The following ZNF514 variants were observed in gnomAD, a reference collection of about 807,000 sequenced individuals.
The protein encoded by ZNF514 is zinc finger protein 514.
In ZNF514, 12 loss-of-function variants were observed where a neutral mutation model predicts 9.7. That is an observed-to-expected ratio of 1.24 (90% confidence interval 0.79 to 2.01). The LOEUF (loss-of-function observed/expected upper bound fraction) is 2.01, where lower values mean the gene tolerates loss of function less well. Among genes scored for constraint, ZNF514 ranks in the 30% most tolerant of loss-of-function variants. The probability of loss-of-function intolerance (pLI) is 0.00; values close to 1 mark genes in which losing one functional copy is unlikely to be tolerated. For missense variants in ZNF514, 467 were observed against 465.5 expected (o/e 1.00, Z -0.03); for synonymous variants, 158 against 163.7 (o/e 0.97, Z 0.27).
At chr2:95,152,890 G>T in intron 3 of ZNF514, 121 bp from the exon 4 acceptor site, 1 of 1,018,636 alleles carries the variant, frequency 9.8e-7, no homozygotes, top group Non-Finnish European at 1.5e-6. Flanking sequence ...CAGGCATTGT[G>T]AAAAGTTAGG....
chr2:95,128,702 G>A, the ZNF514 span, among the ~76,000 whole-genome samples: 1 of 151,092 alleles, frequency 6.6e-6, no homozygotes. Flanking sequence ...GGAGGAGGAG[G>A]AAGAAGGAGA....
intron 1 of ZNF514, chr2:95,158,821 G>C (rs1406713368): frequency 7.8e-7 from 1 of 1,279,288 alleles, no homozygotes; most frequent in Non-Finnish European, 1.0e-6. Flanking sequence ...TGGAAGGTTA[G>C]ATGTCGCCAC....
Position 95,145,782 on chromosome 2 carries a change from GTC to G in ZNF514, c.*3498_*3499del, listed in dbSNP as rs1369870618. On this transcript the variant is annotated 3_prime_UTR_variant, in exon 5 of 5. Coordinates refer to ENST00000295208, the MANE Select transcript of ZNF514 (RefSeq NM_032788.3). ...CAAGCTGTAGCCTGACAGCACAATT[GTC>G]TCTTCCTCTCACGTACCTTTGCCAT... Among the ~76,000 whole-genome samples, 3 of 152,310 alleles carry G rather than the reference GTC, an allele frequency of 2.0e-5. No homozygotes were observed. Among genetic ancestry groups the G allele is most frequent in the African/African-American group, 7.2e-5 (3 of 41,582 alleles).
At chr2:95,139,877 G>T in the ZNF514 span, among the ~76,000 whole-genome samples, 2 of 152,132 alleles carry the variant, frequency 1.3e-5, no homozygotes, top group Non-Finnish European at 2.9e-5. Context: ...ATTTGTTCAT[G>T]GTGGTGGAGT....
chr2:95,156,860 T>C (rs1673700486), intron 2 of ZNF514, among the ~76,000 whole-genome samples: 1 of 152,152 alleles, frequency 6.6e-6, no homozygotes, highest in African/African-American at 2.4e-5. Flanking sequence ...CAGCTTCAAA[T>C]AGCCTGCCCA....
At chr2:95,125,168 T>C in the ZNF514 span, among the ~76,000 whole-genome samples, 3 of 150,324 alleles carry the variant, frequency 2.0e-5, no homozygotes, top group African/African-American at 7.3e-5. Flanking sequence ...CATGAGCCAC[T>C]GTGCCCAGCC....
At chr2:95,123,338 TACTG>T in the ZNF514 span, among the ~76,000 whole-genome samples, 11 of 152,240 alleles carry the variant, frequency 7.2e-5, no homozygotes, top group Non-Finnish European at 1.3e-4. Flanking sequence ...TCCTCTCAAG[TACTG>T]ACCATCCAGC....
intron 2 of ZNF514, 48 bp downstream of exon 2, chr2:95,157,303 G>A (rs969533002): frequency 1.5e-5 from 18 of 1,208,936 alleles, no homozygotes; most frequent in Non-Finnish European, 1.9e-5. Context: ...AGTAGGCAAA[G>A]CTAACCATCG....
chr2:95,140,737 A>G (rs1262222421), downstream of ZNF514, among the ~76,000 whole-genome samples: 2 of 151,780 alleles, frequency 1.3e-5, no homozygotes, highest in East Asian at 3.9e-4. Flanking sequence ...GCACTCTGGG[A>G]AGCTGAGGCA....
chr2:95,130,230 G>A, the ZNF514 span, among the ~76,000 whole-genome samples: 8 of 152,116 alleles, frequency 5.3e-5, no homozygotes, highest in Non-Finnish European at 1.0e-4. Flanking sequence ...GGGAGTGTGC[G>A]AATAGGTGTG....
Position 95,148,827 on chromosome 2 carries a change from A to G in ZNF514, c.*455T>C, listed in dbSNP as rs921929483. 16 of 156,564 alleles carry G rather than the reference A, an allele frequency of 1.0e-4. No homozygotes were observed. Among genetic ancestry groups the G allele is most frequent in the African/African-American group, 3.9e-4 (16 of 41,476 alleles). The allele number at this position is 156,564 out of a possible 1,614,324, so 9.7% of individuals were successfully genotyped here. The stretch of plus-strand genomic sequence containing the variant: ...TGCTTTCATAGGGCCTCTCTCTAGT[A>G]TGTGTTCTTGATGCTTAGTAAAGGA... On this transcript the variant is annotated 3_prime_UTR_variant, in exon 5 of 5. Coordinates refer to ENST00000295208, the MANE Select transcript of ZNF514 (RefSeq NM_032788.3).
the ZNF514 span, among the ~76,000 whole-genome samples, chr2:95,127,815 G>A: frequency 6.6e-6 from 1 of 152,048 alleles, no homozygotes; most frequent in South Asian, 2.1e-4. Context: ...TAGCCTGTTG[G>A]CCAGGCTGGC....
At position 95,149,021 on chromosome 2, in the gene ZNF514, A is replaced by G; in HGVS notation, c.*261T>C. ...GGCTGTCTGATGCTGAATAATATGCATCCTCTGATCAAAGCGTTCCCACAT... is the reference window on the plus strand; with the variant it reads ...GGCTGTCTGATGCTGAATAATATGCGTCCTCTGATCAAAGCGTTCCCACAT... On this transcript the variant is annotated 3_prime_UTR_variant, in exon 5 of 5. Transcript: ENST00000295208. 1 of 436,822 alleles carries G rather than the reference A, an allele frequency of 2.3e-6. No individual in the cohort carries two copies. The highest frequency in any genetic ancestry group is 4.0e-6 in the Non-Finnish European group (1 of 248,588). The allele number at this position is 436,822 out of a possible 1,614,324, so 27.1% of individuals were successfully genotyped here.
chr2:95,149,225 C>T lies in ZNF514; in HGVS notation c.*57G>A, dbSNP rs577295653. 5 of 1,514,462 alleles carry T rather than the reference C, an allele frequency of 3.3e-6. No homozygotes were observed. The East Asian group carries it at 9.1e-5, about 27-fold the overall frequency. 93.8% of individuals were successfully genotyped at this position (1,514,462 alleles called of 1,614,324 possible). A position where few individuals can be genotyped will look rare whatever the true frequency, so the allele number is the denominator to read the frequency against. On this transcript the variant is annotated 3_prime_UTR_variant, in exon 5 of 5. Coordinates refer to ENST00000295208, the MANE Select transcript of ZNF514 (RefSeq NM_032788.3). ...TTAGGATCTCTCTCTGATATGAATTCTTTAAGTTCCAGTGATGTCTGCACT... is the reference window on the plus strand; with the variant it reads ...TTAGGATCTCTCTCTGATATGAATTTTTTAAGTTCCAGTGATGTCTGCACT...
intron 1 of ZNF514, 80 bp downstream of exon 1, chr2:95,159,160 G>A (rs1673769363): frequency 2.0e-6 from 1 of 489,818 alleles, no homozygotes; most frequent in Non-Finnish European, 2.9e-6. Flanking sequence ...CCAGAGCAGG[G>A]CCGGCAAACC....
the ZNF514 span, among the ~76,000 whole-genome samples, chr2:95,132,442 A>C: frequency 6.6e-6 from 1 of 152,208 alleles, no homozygotes; most frequent in Non-Finnish European, 1.5e-5. Context: ...CACCTATCAA[A>C]ATGACTGAAG....
chr2:95,144,761 TG>T (rs1673320453), downstream of ZNF514, among the ~76,000 whole-genome samples: 1 of 152,222 alleles, frequency 6.6e-6, no homozygotes, highest in South Asian at 2.1e-4. Flanking sequence ...AAAGGTAGCC[TG>T]GGAACTCCCA....
At position 95,149,421 on chromosome 2, in the gene ZNF514, TGGCTGAA is replaced by T. The variant is rs1183285586; in HGVS notation, c.1057_1063del (p.Phe353ArgfsTer65). 6.2e-7 allele frequency: 1 copy of T among 1,614,170 alleles called. No homozygotes were observed. The highest frequency in any genetic ancestry group is 1.3e-5 in the African/African-American group (1 of 75,032). ...GTAATGTTGAGTGAGAGATGAACTC[TGGCTGAA>T]GGCTCTCCCACATTTATTACATTTG... On this transcript the variant is annotated frameshift_variant, in exon 5 of 5. Transcript: ENST00000295208. LOFTEE classifies it low-confidence loss of function (END_TRUNC).
At chr2:95,129,476 G>C in the ZNF514 span, among the ~76,000 whole-genome samples, 1 of 152,136 alleles carries the variant, frequency 6.6e-6, no homozygotes, top group Non-Finnish European at 1.5e-5. Context: ...GGGAAAGGCA[G>C]ACCACAAGAT....
Sources: allele counts gnomAD v4.1 joint callset (sites outside exome capture counted in the v4.1 genomes callset), GRCh38; gene constraint gnomAD v4.1.1; transcripts MANE v1.5; gene names NCBI Gene and HGNC (gene_info 2026-07-23, HGNC 2026-07-21).